CASZ1: variants seen among roughly 807,000 people sequenced by gnomAD.
CASZ1 encodes zinc finger protein castor homolog 1.
In CASZ1, 28 loss-of-function variants were observed where a neutral mutation model predicts 135.2. The ratio of observed to expected loss-of-function variants is 0.21; its 90% CI spans 0.15 to 0.28. CASZ1 has a LOEUF of 0.28. Ranked by LOEUF, CASZ1 falls within the 10% of genes least tolerant of loss-of-function variation. The probability of loss-of-function intolerance (pLI) is 1.00; values close to 1 mark genes in which losing one functional copy is unlikely to be tolerated. For synonymous variants in CASZ1, 1,068 were observed against 1,073.4 expected (o/e 0.99, Z 0.10); for missense variants, 2,161 against 2,453.3 (o/e 0.88, Z 2.52).
chr1:10,782,752 G>C (rs1021524210), intron 1 of CASZ1, among the ~76,000 whole-genome samples: 13 of 152,274 alleles, frequency 8.5e-5, no homozygotes, highest in Admixed American at 8.5e-4. Context: ...AGGGGAGTGG[G>C]CCTGGTCACC....
chr1:10,672,496 C>G lies in CASZ1; in HGVS notation c.17-6925G>C, dbSNP rs1308262315. Among the ~76,000 whole-genome samples, 11 of 150,502 alleles carry G rather than the reference C, an allele frequency of 7.3e-5. 1 individual carries two copies. The South Asian group carries it at 2.4e-3, about 32-fold the overall frequency. On this transcript the variant is annotated intron_variant, in intron 4 of 20. Coordinates refer to ENST00000377022, the MANE Select transcript of CASZ1 (RefSeq NM_001079843.3). The stretch of plus-strand genomic sequence containing the variant: ...GCCCTCCGCCCGCCGGCCCGCCCCC[C>G]TCCCCGGGCCCAATCTGTTTTCAAA...
chr1:10,791,325 T>G (rs1640952472), intron 1 of CASZ1, among the ~76,000 whole-genome samples: 1 of 152,280 alleles, frequency 6.6e-6, no homozygotes, highest in Non-Finnish European at 1.5e-5. Flanking sequence ...AAAGAAAAAC[T>G]TAGTCTTTCC....
At position 10,654,485 on chromosome 1, in the gene CASZ1, G is replaced by C. The variant is rs890001031; in HGVS notation, c.1772C>G (p.Ala591Gly). ...LINDGFQRFR[A>G]TEDCGTADCQ... is the part of the protein sequence containing the mutation. ...GTCGGCTGTGCCACAGTCTTCGGTG[G>C]CTCGGAAGCGCTGGAAGCCGTCGTT... The change falls in exon 10 of 21, where the codon GCC becomes GGC. Residue 591 changes from alanine to glycine, a missense_variant. Ala to Gly is a moderately conservative substitution (Grantham distance 60). Around this residue, in one of 7 missense-constraint regions of CASZ1, gnomAD observed 248 missense variants for 410.8 expected, o/e 0.60. Transcript: ENST00000377022. 7 of 1,614,268 alleles carry C rather than the reference G, an allele frequency of 4.3e-6. No homozygotes were observed. The highest frequency in any genetic ancestry group is 5.9e-6 in the Non-Finnish European group (7 of 1,180,052).
intron 4 of CASZ1, among the ~76,000 whole-genome samples, chr1:10,669,650 C>T (rs1237732782): frequency 6.6e-6 from 1 of 152,224 alleles, no homozygotes. Flanking sequence ...AGCCTGCTCA[C>T]CTGGTCAGGG....
chr1:10,779,856 A>C (rs1381705602), intron 1 of CASZ1, among the ~76,000 whole-genome samples: 1 of 152,120 alleles, frequency 6.6e-6, no homozygotes, highest in Non-Finnish European at 1.5e-5. Flanking sequence ...GAAGGGGAGA[A>C]CTCTCTCGGA....
At chr1:10,770,052 T>C (rs1640547424) in intron 1 of CASZ1, among the ~76,000 whole-genome samples, 1 of 152,186 alleles carries the variant, frequency 6.6e-6, no homozygotes, top group African/African-American at 2.4e-5. Context: ...AACACATTTT[T>C]AAATTCTTTT....
rs1260109939 is a variant in CASZ1 at position 10,774,728 on chromosome 1, C to A, written c.-233-13871G>T. ...TCTTCCCCAAGTGTGACCCTGTAGG[C>A]CTAGAGGAACCACCAGGAGAGGCTG... On this transcript the variant is annotated intron_variant, in intron 1 of 20. Coordinates refer to ENST00000377022, the MANE Select transcript of CASZ1 (RefSeq NM_001079843.3). The surrounding 1 kb of genome is among the most constrained non-coding windows in gnomAD (Gnocchi z 4.4). 1.3e-5 allele frequency among the ~76,000 whole-genome samples: 2 copies of A among 152,118 alleles called. No homozygotes were observed. The highest frequency in any genetic ancestry group is 2.9e-5 in the Non-Finnish European group (2 of 68,016).
chr1:10,759,357 G>A lies in CASZ1; in HGVS notation c.-77+1344C>T, dbSNP rs1640319954. On this transcript the variant is annotated intron_variant, in intron 2 of 20. Coordinates refer to ENST00000377022, the MANE Select transcript of CASZ1 (RefSeq NM_001079843.3). This position sits in a 1 kb window ranked among gnomAD's most constrained non-coding sequence, Gnocchi z 4.2. Reference sequence around the variant, plus strand: ...TTCAGCGCCACGAAACTCCCCCCACGGCCTTTTCCAGGTGACAGTCTAAAC... The same window carrying A: ...TTCAGCGCCACGAAACTCCCCCCACAGCCTTTTCCAGGTGACAGTCTAAAC... 6.6e-6 allele frequency among the ~76,000 whole-genome samples: 1 copy of A among 152,116 alleles called. No homozygotes were observed. The highest frequency in any genetic ancestry group is 2.4e-5 in the African/African-American group (1 of 41,398).
Position 10,653,649 on chromosome 1 carries a change from G to C in CASZ1, c.2408C>G (p.Pro803Arg), listed in dbSNP as rs765285151. 9 of 1,552,144 alleles carry C rather than the reference G, an allele frequency of 5.8e-6. No homozygotes were observed. The highest frequency in any genetic ancestry group is 1.2e-5 in the South Asian group (1 of 80,818). The change falls in exon 11 of 21, where the codon CCC becomes CGC. Residue 803 changes from proline (P) to arginine (R), a missense_variant. Pro to Arg is a moderately radical substitution (Grantham distance 103). Transcript: ENST00000377022. ...SGLPTPTPYFPILAGRGSTSL... is the reference protein window; with the variant it reads ...SGLPTPTPYFRILAGRGSTSL... ...GGTGCTCCCACGGCCAGCCAGTATG[G>C]GGAAGTAGGGCGTGGGGGTGGGCAG... is the stretch of plus-strand genomic sequence containing the variant.
rs1017135447 is a variant in CASZ1, at chr1:10,759,480, C to T, written c.-77+1221G>A. 1.3e-5 allele frequency among the ~76,000 whole-genome samples: 2 copies of T among 152,156 alleles called. No individual in the cohort carries two copies. Among genetic ancestry groups the T allele is most frequent in the East Asian group, 1.9e-4 (1 of 5,196 alleles). ...CCTTCTGCACACCAGGAAGAAGAGTCGCAGCCACACAGTTGCCCCACCACA... is the reference window on the plus strand; with the variant it reads ...CCTTCTGCACACCAGGAAGAAGAGTTGCAGCCACACAGTTGCCCCACCACA... On this transcript the variant is annotated intron_variant, in intron 2 of 20. Transcript: ENST00000377022. The surrounding 1 kb of genome is among the most constrained non-coding windows in gnomAD (Gnocchi z 4.2).
At chr1:10,640,444 T>C (rs1439030237) in intron 20 of CASZ1, among the ~76,000 whole-genome samples, 1 of 152,200 alleles carries the variant, frequency 6.6e-6, no homozygotes, top group Non-Finnish European at 1.5e-5. Context: ...CAAGTTGGAC[T>C]CGGGCCAAGA....
At chr1:10,695,572 T>TCCCCCCCCCCCCCCC (rs1638912759) in intron 3 of CASZ1, among the ~76,000 whole-genome samples, 2 of 17,890 alleles carry the variant, frequency 1.1e-4, no homozygotes, top group Admixed American at 5.6e-4. Flanking sequence ...CCTCCTCCCC[T>TCCCCCCCCCCCCCCC]CCCCGCCACC....
chr1:10,768,496 A>G (rs1640518579), intron 1 of CASZ1, among the ~76,000 whole-genome samples: 1 of 152,104 alleles, frequency 6.6e-6, no homozygotes, highest in Non-Finnish European at 1.5e-5. Context: ...GGAATTAGAG[A>G]CATGAGCCAC....
Position 10,697,315 on chromosome 1 carries a change from G to A in CASZ1, c.-23-3403C>T, listed in dbSNP as rs1638955673. On this transcript the variant is annotated intron_variant, in intron 3 of 20. Coordinates refer to ENST00000377022, the MANE Select transcript of CASZ1 (RefSeq NM_001079843.3). This position sits in a 1 kb window ranked among gnomAD's most constrained non-coding sequence, Gnocchi z 4.7. ...AGGAGAGGCATCTTTTGAGGCTATG[G>A]CCCATCTTTGCCTTGAGGACACCTG... Among the ~76,000 whole-genome samples, 1 of 151,902 alleles carries A rather than the reference G, an allele frequency of 6.6e-6. No homozygotes were observed. The highest frequency in any genetic ancestry group is 2.1e-4 in the South Asian group (1 of 4,812).
chr1:10,766,820 G>GT (rs1224133754), intron 1 of CASZ1, among the ~76,000 whole-genome samples: 2 of 152,224 alleles, frequency 1.3e-5, no homozygotes, highest in Non-Finnish European at 1.5e-5. Flanking sequence ...GAAGTAGATG[G>GT]TTCTCTCAAC....
At chr1:10,775,528 C>T (rs1401252291) in intron 1 of CASZ1, among the ~76,000 whole-genome samples, 1 of 152,176 alleles carries the variant, frequency 6.6e-6, no homozygotes, top group Non-Finnish European at 1.5e-5. Context: ...AAGGTGGGAC[C>T]TCAGCTGGGC....
intron 3 of CASZ1, among the ~76,000 whole-genome samples, chr1:10,695,187 C>A (rs1638902024): frequency 6.6e-6 from 1 of 151,190 alleles, no homozygotes; most frequent in African/African-American, 2.4e-5. Flanking sequence ...CGAGGCGGGG[C>A]AGGGCGCAGT....
chr1:10,796,188 C>G (rs908466226), intron 1 of CASZ1, among the ~76,000 whole-genome samples: 1 of 152,162 alleles, frequency 6.6e-6, no homozygotes, highest in Non-Finnish European at 1.5e-5. Context: ...CGCCTGGCAC[C>G]TCCCTCTCTT....
chr1:10,698,523 A>C (rs1310126871), intron 3 of CASZ1, among the ~76,000 whole-genome samples: 1 of 151,758 alleles, frequency 6.6e-6, no homozygotes, highest in African/African-American at 2.4e-5. Flanking sequence ...TTGAAACCAA[A>C]AAAATTGCAC....
Sources: gnomAD v4.1 joint callset for allele counts (sites outside exome capture counted in the v4.1 genomes callset) on GRCh38, gnomAD v4.1.1 for gene constraint, gnomAD v4.1.1 regional missense constraint, Gnocchi (gnomAD v3.1) non-coding constraint, MANE v1.5 for transcripts, NCBI Gene and HGNC (gene_info 2026-07-23, HGNC 2026-07-21) for gene names.